VAV2: variants seen among roughly 807,000 people sequenced by gnomAD.
The protein encoded by VAV2 is guanine nucleotide exchange factor VAV2.
VAV2 carries 67 observed loss-of-function variants against 132.5 expected under a neutral mutation model. That is an observed-to-expected ratio of 0.51 (90% confidence interval 0.42 to 0.62). The LOEUF (loss-of-function observed/expected upper bound fraction) is 0.62, where lower values mean the gene tolerates loss of function less well. VAV2 is among the 20% of genes least tolerant of loss of function. The pLI is 0.00. For missense variants in VAV2, 938 were observed against 1,153.6 expected (o/e 0.81, Z 2.71); for synonymous variants, 492 against 443.5 (o/e 1.11, Z -1.37).
intron 1 of VAV2, among the ~76,000 whole-genome samples, chr9:133,967,162 C>T (rs1028903509): frequency 6.6e-5 from 10 of 151,788 alleles, no homozygotes; most frequent in Admixed American, 1.3e-4. Context: ...TGAAAAAATG[C>T]TCAACATCAC....
intron 8 of VAV2, 47 bp downstream of exon 8, chr9:133,807,211 G>A: frequency 6.3e-7 from 1 of 1,586,820 alleles, no homozygotes; most frequent in Non-Finnish European, 8.6e-7. Context: ...CCAGTGCCGA[G>A]TTAGGGCCCC....
chr9:133,832,228 G>C (rs1386548413), intron 4 of VAV2, among the ~76,000 whole-genome samples: 1 of 152,256 alleles, frequency 6.6e-6, no homozygotes, highest in Non-Finnish European at 1.5e-5. Context: ...AGAGGCATGG[G>C]TGCTGAGGGG....
chr9:133,767,273 G>A (rs972967663), intron 29 of VAV2, among the ~76,000 whole-genome samples: 21 of 152,196 alleles, frequency 1.4e-4, no homozygotes, highest in African/African-American at 4.8e-4. Context: ...TAGTATGAGA[G>A]AAAATAATAT....
chr9:133,968,820 G>A (rs894060742), intron 1 of VAV2, among the ~76,000 whole-genome samples: 6 of 152,140 alleles, frequency 3.9e-5, no homozygotes, highest in African/African-American at 2.4e-5. Context: ...AGGGTGTCTC[G>A]AGACCCCCGG....
At chr9:133,905,882 A>G (rs1051901541) in intron 2 of VAV2, among the ~76,000 whole-genome samples, 3 of 148,844 alleles carry the variant, frequency 2.0e-5, no homozygotes, top group Non-Finnish European at 3.0e-5. Flanking sequence ...ACAAAAAAAA[A>G]TACAGAAATT....
intron 3 of VAV2, among the ~76,000 whole-genome samples, chr9:133,836,048 G>A (rs576546221): frequency 2.0e-5 from 3 of 152,338 alleles, no homozygotes; most frequent in South Asian, 2.1e-4. Flanking sequence ...AGGCTGCCAC[G>A]ACATCCTCAC....
In VAV2 at chr9:133,834,690, TC is replaced by T. The variant is rs1836395257; in HGVS notation, c.381-351del. 6.6e-6 allele frequency among the ~76,000 whole-genome samples: 1 copy of T among 152,166 alleles called. No homozygotes were observed. The highest frequency in any genetic ancestry group is 1.5e-5 in the Non-Finnish European group (1 of 68,006). On this transcript the variant is annotated intron_variant, in intron 3 of 29. Transcript: ENST00000371850. This position sits in a 1 kb window ranked among gnomAD's most constrained non-coding sequence, Gnocchi z 5.9. ...CTTCCCCTTTACCCACCCTCCCACT[TC>T]CAGGGGGTTCACAGTGGAGATGAGG...
At chr9:133,887,910 C>T (rs374846641) in intron 2 of VAV2, among the ~76,000 whole-genome samples, 4 of 152,294 alleles carry the variant, frequency 2.6e-5, no homozygotes, top group South Asian at 4.1e-4. Context: ...GCATTCACAG[C>T]GACCCTCTTC....
intron 8 of VAV2, among the ~76,000 whole-genome samples, chr9:133,806,416 G>A (rs986422673): frequency 5.3e-5 from 8 of 152,174 alleles, no homozygotes; most frequent in South Asian, 4.1e-4. Context: ...CCCACAGCCC[G>A]CACCAGCCCA....
chr9:133,919,832 C>G lies in VAV2; in HGVS notation c.321+19271G>C, dbSNP rs1220393640. Among the ~76,000 whole-genome samples the G allele has an allele frequency of 5.3e-5, 8 of 152,290 alleles. No individual in the cohort carries two copies. Among genetic ancestry groups the G allele is most frequent in the Middle Eastern group, 3.4e-3 (1 of 294 alleles). ...GCTGCCCCGACTGTCCCTGCCGCCC[C>G]GGCCACCCCTGCCTCACCCACCACC... On this transcript the variant is annotated intron_variant, in intron 2 of 29. Coordinates refer to ENST00000371850, the MANE Select transcript of VAV2 (RefSeq NM_001134398.2). The surrounding 1 kb of genome is among the most constrained non-coding windows in gnomAD (Gnocchi z 5.8).
At position 133,983,818 on chromosome 9, in the gene VAV2, C is replaced by T. The variant is rs915340293; in HGVS notation, c.204+8257G>A. Among the ~76,000 whole-genome samples, 4 of 151,208 alleles carry T rather than the reference C, an allele frequency of 2.6e-5. No homozygotes were observed. The South Asian group carries it at 8.4e-4, about 32-fold the overall frequency. On this transcript the variant is annotated intron_variant, in intron 1 of 29. Coordinates refer to ENST00000371850, the MANE Select transcript of VAV2 (RefSeq NM_001134398.2). ...CCACCCCACCCCACCCCACGCTCCC[C>T]GGCTCCTGCCCAGCAGGAACGCCAG...
rs1833501864 is a variant in VAV2 at position 133,768,293 on chromosome 9, T to TG, written c.2589+148dup. ...TTTCCCCCTGTGAATGCCAACCTTC[T>TG]GGGCTGCTGTGAGGATGAGGGAGAT... On this transcript the variant is annotated intron_variant, in intron 29 of 29. Coordinates refer to ENST00000371850, the MANE Select transcript of VAV2 (RefSeq NM_001134398.2). This position sits in a 1 kb window ranked among gnomAD's most constrained non-coding sequence, Gnocchi z 5.3. 3 of 1,151,964 alleles carry TG rather than the reference T, an allele frequency of 2.6e-6. No individual in the cohort carries two copies. Among genetic ancestry groups the TG allele is most frequent in the Non-Finnish European group, 3.6e-6 (3 of 837,776 alleles). 71.4% of individuals were successfully genotyped at this position (1,151,964 alleles called of 1,614,324 possible).
intron 3 of VAV2, among the ~76,000 whole-genome samples, chr9:133,851,582 G>C (rs182029490): frequency 3.6e-4 from 55 of 152,330 alleles, no homozygotes; most frequent in African/African-American, 1.3e-3. Flanking sequence ...AGAGGTTGCA[G>C]CCTTAATGAT....
chr9:133,868,511 G>C (rs1005124993), intron 2 of VAV2, among the ~76,000 whole-genome samples: 1 of 152,226 alleles, frequency 6.6e-6, no homozygotes, highest in Non-Finnish European at 1.5e-5. Flanking sequence ...CTGGCCCAAA[G>C]CAGGGACTCG....
chr9:133,807,114 G>C (rs1479940216), intron 8 of VAV2, 144 bp downstream of exon 8: 8 of 896,236 alleles, frequency 8.9e-6, no homozygotes, highest in Non-Finnish European at 1.3e-5. Context: ...AGAGCGGTGG[G>C]GGCTCCTCCT....
rs192526279 is a variant in VAV2, at chr9:133,783,913, C to A, written c.1635-322G>T. ...TTTTTTTTTTGGAGACAGGGTCTCACTCTGTCACCCAGGCTGGAGTGCAGT... is the reference window on the plus strand; with the variant it reads ...TTTTTTTTTTGGAGACAGGGTCTCAATCTGTCACCCAGGCTGGAGTGCAGT... On this transcript the variant is annotated intron_variant, in intron 18 of 29. Transcript: ENST00000371850. Among the ~76,000 whole-genome samples the A allele has an allele frequency of 2.5e-3, 356 of 140,958 alleles. 4 individuals carry two copies. Among genetic ancestry groups the A allele is most frequent in the African/African-American group, 8.6e-3 (324 of 37,710 alleles). The allele number at this position is 140,958 out of a possible 152,430, so 92.5% of individuals were successfully genotyped here. A position where few individuals can be genotyped will look rare whatever the true frequency, so the allele number is the denominator to read the frequency against.
At chr9:133,895,296 G>T (rs1839154256) in intron 2 of VAV2, among the ~76,000 whole-genome samples, 1 of 152,148 alleles carries the variant, frequency 6.6e-6, no homozygotes, top group African/African-American at 2.4e-5. Context: ...GGCCTGGCGG[G>T]GCTGGGGTCG....
In VAV2 at chr9:133,802,001, C is replaced by A. The variant is rs139819563; in HGVS notation, c.836+4080G>T. Among the ~76,000 whole-genome samples, 143 of 152,170 alleles carry A rather than the reference C, an allele frequency of 9.4e-4. No homozygotes were observed. In the East Asian group the frequency reaches 0.023, roughly 25 times the overall value. On this transcript the variant is annotated intron_variant, in intron 9 of 29. Coordinates refer to ENST00000371850, the MANE Select transcript of VAV2 (RefSeq NM_001134398.2). The surrounding 1 kb of genome is among the most constrained non-coding windows in gnomAD (Gnocchi z 5.8). ...CCATGTTTGCGGTCATTGTTACAGC[C>A]AAGCCAGGTCACTCACACAGACGCC...
chr9:133,908,095 A>T (rs1176550649), intron 2 of VAV2, among the ~76,000 whole-genome samples: 1 of 92,950 alleles, frequency 1.1e-5, no homozygotes, highest in African/African-American at 4.2e-5. Flanking sequence ...GAGTGGAGGG[A>T]GGGTCTGGGG....
Sources: gnomAD v4.1 joint callset for allele counts (sites outside exome capture counted in the v4.1 genomes callset) on GRCh38, gnomAD v4.1.1 for gene constraint, Gnocchi (gnomAD v3.1) non-coding constraint, MANE v1.5 for transcripts, NCBI Gene and HGNC (gene_info 2026-07-23, HGNC 2026-07-21) for gene names.